ZNF469: variants seen among roughly 807,000 people sequenced by gnomAD.
ZNF469 encodes the protein zinc finger protein 469.
In ZNF469, 1 loss-of-function variant was observed where a neutral mutation model predicts 1.0. The ratio of observed to expected loss-of-function variants is 1.00; its 90% CI spans 0.35 to 4.73. The LOEUF (loss-of-function observed/expected upper bound fraction) is 4.73. Ranked by LOEUF, ZNF469 falls within the 30% of genes most tolerant of loss-of-function variation. The pLI is 0.16. For missense variants in ZNF469, 6,100 were observed against 5,356.3 expected, an observed-to-expected ratio of 1.14 and a Z score of -4.33; for synonymous variants, 2,703 against 2,363.4, an observed-to-expected ratio of 1.14 and a Z score of -4.17.
chr16:88,381,987 G>T (rs544744501), upstream of ZNF469, among the ~76,000 whole-genome samples: 1 of 152,380 alleles, frequency 6.6e-6, no homozygotes, highest in South Asian at 2.1e-4. Context: ...AGTAAAGCGT[G>T]CTTGACCTGC....
At chr16:88,343,685 G>GTC in the ZNF469 span, among the ~76,000 whole-genome samples, 27 of 152,014 alleles carry the variant, frequency 1.8e-4, no homozygotes, top group Non-Finnish European at 2.9e-5. Flanking sequence ...GGTGGCTCAG[G>GTC]TCTCTCTTCT....
chr16:88,205,792 G>A, the ZNF469 span, among the ~76,000 whole-genome samples: 1 of 152,206 alleles, frequency 6.6e-6, no homozygotes, highest in Non-Finnish European at 1.5e-5. This position sits in a 1 kb window ranked among gnomAD's most constrained non-coding sequence, Gnocchi z 4.2. Flanking sequence ...GTCATGGGGG[G>A]TGAGTGATGT....
intron 1 of ZNF469, among the ~76,000 whole-genome samples, chr16:88,420,049 T>G (rs1028681865): frequency 2.0e-5 from 3 of 152,190 alleles, no homozygotes; most frequent in Admixed American, 6.5e-5. Flanking sequence ...CCCAGTGCCA[T>G]GTCTGGAAAG....
the ZNF469 span, among the ~76,000 whole-genome samples, chr16:88,317,720 A>C: frequency 1.3e-5 from 2 of 152,226 alleles, no homozygotes; most frequent in Non-Finnish European, 2.9e-5. Flanking sequence ...GTCCATGTGC[A>C]GCTTCCCAGA....
chr16:88,265,645 C>G, the ZNF469 span, among the ~76,000 whole-genome samples: 1 of 152,220 alleles, frequency 6.6e-6, no homozygotes, highest in Non-Finnish European at 1.5e-5. Context: ...CTCCCCTCAG[C>G]CTCAATGTTC....
At chr16:88,287,349 G>T in the ZNF469 span, among the ~76,000 whole-genome samples, 2 of 152,206 alleles carry the variant, frequency 1.3e-5, no homozygotes. Context: ...TGGCACAAAG[G>T]TTTCTCTAGG....
chr16:88,162,334 T>G, the ZNF469 span, among the ~76,000 whole-genome samples: 1 of 67,098 alleles, frequency 1.5e-5, no homozygotes, highest in Non-Finnish European at 3.4e-5. Flanking sequence ...TTATGAAAAA[T>G]AAAAGAAATA....
chr16:88,262,955 C>A, the ZNF469 span, among the ~76,000 whole-genome samples: 4 of 152,246 alleles, frequency 2.6e-5, no homozygotes, highest in African/African-American at 9.6e-5. The surrounding 1 kb of genome is among the most constrained non-coding windows in gnomAD (Gnocchi z 4.3). Flanking sequence ...GCTGGGCTCC[C>A]TCTCAGTGGA....
At chr16:88,355,731 G>T in the ZNF469 span, among the ~76,000 whole-genome samples, 1 of 152,206 alleles carries the variant, frequency 6.6e-6, no homozygotes, top group Non-Finnish European at 1.5e-5. Flanking sequence ...AGTCCTCTGG[G>T]CCACATACTC....
the ZNF469 span, among the ~76,000 whole-genome samples, chr16:88,230,782 G>A: frequency 2.0e-5 from 3 of 152,186 alleles, no homozygotes; most frequent in East Asian, 3.9e-4. Context: ...CATCTGTCCC[G>A]CAGTCCCCAC....
the ZNF469 span, among the ~76,000 whole-genome samples, chr16:88,273,421 T>G: frequency 4.0e-5 from 6 of 151,694 alleles, no homozygotes; most frequent in African/African-American, 7.3e-5. Context: ...CATTGGGAAA[T>G]GCAAATCAAA....
chr16:88,384,967 T>C (rs1567497194), intron 1 of ZNF469, among the ~76,000 whole-genome samples: 2 of 152,180 alleles, frequency 1.3e-5, no homozygotes, highest in African/African-American at 4.8e-5. Context: ...CACTGGTCCA[T>C]CATCCTGAGG....
chr16:88,230,236 T>C, the ZNF469 span, among the ~76,000 whole-genome samples: 1 of 152,250 alleles, frequency 6.6e-6, no homozygotes, highest in Non-Finnish European at 1.5e-5. Flanking sequence ...AGAACCACCC[T>C]TCCACCTTCA....
the ZNF469 span, among the ~76,000 whole-genome samples, chr16:88,125,760 T>A: frequency 6.6e-6 from 1 of 151,964 alleles, no homozygotes; most frequent in South Asian, 2.1e-4. Flanking sequence ...GCAAATGATA[T>A]TTTATTTTTT....
In ZNF469 at chr16:88,428,414, A is replaced by G; in HGVS notation, c.944A>G (p.Glu315Gly). 6.5e-7 allele frequency: 1 copy of G among 1,548,222 alleles called. No individual in the cohort carries two copies. The highest frequency in any genetic ancestry group is 8.7e-7 in the Non-Finnish European group (1 of 1,146,810). The change falls in exon 3 of 3, where the codon GAG becomes GGG. Residue 315 changes from glutamate (E) to glycine (G), a missense_variant. Physicochemically the swap from Glu to Gly is moderately conservative, Grantham distance 98. Transcript: ENST00000565624. ...AFHQPQGAWPEEAVGTGPAYP... is the reference protein window; with the variant it reads ...AFHQPQGAWPGEAVGTGPAYP... ...CATCAGCCCCAGGGAGCGTGGCCGG[A>G]GGAGGCCGTGGGCACGGGCCCTGCC...
At chr16:88,229,655 C>T in the ZNF469 span, among the ~76,000 whole-genome samples, 22 of 38,472 alleles carry the variant, frequency 5.7e-4, no homozygotes, top group African/African-American at 1.0e-3. Context: ...GCTGATGTCA[C>T]GCGTGTGGAT....
the ZNF469 span, among the ~76,000 whole-genome samples, chr16:88,326,410 G>T: frequency 6.6e-6 from 1 of 152,162 alleles, no homozygotes; most frequent in South Asian, 2.1e-4. Context: ...TCTTTCTTTT[G>T]TAAGTTGCCC....
upstream of ZNF469, among the ~76,000 whole-genome samples, chr16:88,379,186 G>A (rs1037636438): frequency 2.0e-5 from 3 of 152,126 alleles, no homozygotes; most frequent in Non-Finnish European, 4.4e-5. Flanking sequence ...AGGAAACCTC[G>A]CCCCCCGAGG....
chr16:88,160,484 C>T, the ZNF469 span, among the ~76,000 whole-genome samples: 252 of 152,300 alleles, frequency 1.7e-3, 2 homozygotes, highest in Admixed American at 8.3e-3. Flanking sequence ...ACTCTGACCT[C>T]GTGCTCCTGG....
Sources: allele counts gnomAD v4.1 joint callset (sites outside exome capture counted in the v4.1 genomes callset), GRCh38; gene constraint gnomAD v4.1.1; non-coding constraint Gnocchi (gnomAD v3.1); transcripts MANE v1.5; gene names NCBI Gene and HGNC (gene_info 2026-07-23, HGNC 2026-07-21).